ADGRL2: variants seen among roughly 807,000 people sequenced by gnomAD.
ADGRL2 encodes adhesion G protein-coupled receptor L2.
A neutral mutation model predicts 157.4 loss-of-function variants in ADGRL2; 44 were observed. The observed-to-expected ratio is 0.28, with a 90% CI of 0.22 to 0.36. ADGRL2 has a LOEUF of 0.36. Ranked by LOEUF, ADGRL2 falls within the 10% of genes least tolerant of loss-of-function variation. ADGRL2 has a pLI of 1.00. For missense variants in ADGRL2, 1,510 were observed against 1,768.9 expected, an observed-to-expected ratio of 0.85 and a Z score of 2.63; for synonymous variants, 585 against 624.7, an observed-to-expected ratio of 0.94 and a Z score of 0.95.
chr1:81,943,038 C>A lies in ADGRL2; in HGVS notation c.479C>A (p.Ala160Glu). ...SPCIYEAEQK[A>E]GAWCKDPLQA... The stretch of plus-strand genomic sequence containing the variant: ...TGTATATATGAAGCTGAACAAAAGG[C>A]GGGTGCTTGGTGCAAGGACCCTCTT... Residue 160 changes from alanine to glutamate, a missense_variant, in exon 6 of 24, where the codon GCG (alanine) becomes GAG (glutamate). By Grantham distance (107) the Ala-to-Glu change is moderately radical. This residue lies in a region of ADGRL2 where 361 missense variants were observed against 498.4 expected (regional missense o/e 0.72). Coordinates refer to ENST00000686636, the MANE Select transcript of ADGRL2 (RefSeq NM_001366006.2). This position sits in a 1 kb window ranked among gnomAD's most constrained non-coding sequence, Gnocchi z 5.6. The A allele has an allele frequency of 6.2e-7, 1 of 1,613,208 alleles. No homozygotes were observed. Among genetic ancestry groups the A allele is most frequent in the Non-Finnish European group, 8.5e-7 (1 of 1,179,388 alleles).
At chr1:81,724,931 C>T (rs2084462471) in intron 1 of ADGRL2, among the ~76,000 whole-genome samples, 1 of 152,230 alleles carries the variant, frequency 6.6e-6, no homozygotes, top group South Asian at 2.1e-4. Context: ...CACAGCCGGG[C>T]ACGGTGGCTC....
Position 81,595,455 on chromosome 1 carries a change from G to A in ADGRL2, c.-143+14475G>A, listed in dbSNP as rs1311543518. On this transcript the variant is annotated intron_variant, in intron 3 of 24. Transcript: ENST00000370721. ...TGTAATGACAGACTTCTGTGCAGTG[G>A]CATTCCTATAACTGCTATGAATGTA... Among the ~76,000 whole-genome samples the A allele has an allele frequency of 2.0e-5, 3 of 152,090 alleles. No individual in the cohort carries two copies. In the East Asian group the frequency reaches 5.8e-4, roughly 29 times the overall value.
intron 2 of ADGRL2, among the ~76,000 whole-genome samples, chr1:81,763,260 C>T (rs1488330604): frequency 5.9e-5 from 9 of 151,522 alleles, no homozygotes; most frequent in Non-Finnish European, 1.2e-4. Context: ...TTGGGAAATA[C>T]TTCTTTGTGC....
chr1:81,894,326 T>C (rs1338242744), intron 2 of ADGRL2, among the ~76,000 whole-genome samples: 2 of 152,260 alleles, frequency 1.3e-5, no homozygotes, highest in East Asian at 3.9e-4. Flanking sequence ...ACAGAGTGGG[T>C]TCCTTGCTGC....
chr1:81,843,979 C>T (rs535462117), intron 2 of ADGRL2, among the ~76,000 whole-genome samples: 3 of 151,892 alleles, frequency 2.0e-5, no homozygotes, highest in South Asian at 2.1e-4. Context: ...CTGTTGTTGG[C>T]GGAAAAAGTA....
At chr1:81,601,554 G>T (rs576951928) in intron 3 of ADGRL2, among the ~76,000 whole-genome samples, 2 of 152,272 alleles carry the variant, frequency 1.3e-5, no homozygotes, top group African/African-American at 4.8e-5. Context: ...CTTGTGGAAA[G>T]ATAGCCTGAC....
chr1:81,929,437 T>G (rs2095179425), intron 3 of ADGRL2, among the ~76,000 whole-genome samples: 1 of 152,190 alleles, frequency 6.6e-6, no homozygotes, highest in African/African-American at 2.4e-5. Context: ...CAATGGTTTT[T>G]GGAGCATGAC....
chr1:81,658,794 C>T (rs1235514163), intron 3 of ADGRL2, among the ~76,000 whole-genome samples: 1 of 152,050 alleles, frequency 6.6e-6, no homozygotes, highest in Non-Finnish European at 1.5e-5. Context: ...TCTTGTTGCC[C>T]AGGCTGGAGT....
At chr1:81,486,646 G>C (rs1179607308) in intron 2 of ADGRL2, among the ~76,000 whole-genome samples, 1 of 152,070 alleles carries the variant, frequency 6.6e-6, no homozygotes, top group Non-Finnish European at 1.5e-5. Context: ...GAGTGAAACT[G>C]TGGATTCTGA....
chr1:81,775,100 G>T lies in ADGRL2; in HGVS notation c.-101+13248G>T, dbSNP rs534410281. ...TTGTGTGGTAAGACCACAAGTAAAA[G>T]ACAACATACAGTTCACCTTGGAAAA... is the stretch of plus-strand genomic sequence containing the variant. On this transcript the variant is annotated intron_variant, in intron 2 of 20. Transcript: ENST00000359929. Among the ~76,000 whole-genome samples the T allele has an allele frequency of 3.3e-5, 5 of 152,152 alleles. No individual in the cohort carries two copies. In the South Asian group the frequency reaches 1.0e-3, roughly 32 times the overall value.
In ADGRL2 at chr1:81,371,036, G is replaced by A. The variant is rs148971701; in HGVS notation, c.-302+64527G>A. Among the ~76,000 whole-genome samples the A allele has an allele frequency of 2.7e-3, 415 of 152,250 alleles. 2 individuals carry two copies. Among genetic ancestry groups the A allele is most frequent in the African/African-American group, 9.6e-3 (398 of 41,576 alleles). ...TTAAAAATGTATCTATTTAGGCCAT[G>A]TGTACCCAAGTGAGGCAGACATTAC... On this transcript the variant is annotated intron_variant, in intron 1 of 24. Coordinates refer to the ADGRL2 transcript ENST00000370721.
chr1:81,746,388 C>T lies in ADGRL2; in HGVS notation c.-142-15423C>T, dbSNP rs893074883. 2.0e-5 allele frequency among the ~76,000 whole-genome samples: 3 copies of T among 152,136 alleles called. No homozygotes were observed. The East Asian group carries it at 5.8e-4, about 29-fold the overall frequency. On this transcript the variant is annotated intron_variant, in intron 1 of 20. Transcript: ENST00000359929. ...ACTGCAGCCTCAACCTCTCCAGGCTCAGGCAATCCTCCCACCTCAGCCTCC... is the reference window on the plus strand; with the variant it reads ...ACTGCAGCCTCAACCTCTCCAGGCTTAGGCAATCCTCCCACCTCAGCCTCC...
chr1:81,418,193 A>G (rs1159873955), intron 1 of ADGRL2, among the ~76,000 whole-genome samples: 1 of 151,580 alleles, frequency 6.6e-6, no homozygotes, highest in Non-Finnish European at 1.5e-5. Flanking sequence ...AAAACAAACA[A>G]ACAAAAAGGA....
intron 3 of ADGRL2, chr1:81,586,303 T>A (rs2148565763): frequency 6.6e-6 from 1 of 152,080 alleles, no homozygotes; most frequent in South Asian, 2.1e-4. Flanking sequence ...ATTCTTCTAT[T>A]GTGCGCCCTC....
At chr1:81,420,026 T>C (rs1185467889) in intron 1 of ADGRL2, among the ~76,000 whole-genome samples, 1 of 152,236 alleles carries the variant, frequency 6.6e-6, no homozygotes, top group Non-Finnish European at 1.5e-5. Flanking sequence ...AATCTTTCTT[T>C]TCCTTGCAAA....
chr1:81,561,033 C>T (rs1386570941), intron 2 of ADGRL2, among the ~76,000 whole-genome samples: 4 of 152,054 alleles, frequency 2.6e-5, no homozygotes, highest in Non-Finnish European at 5.9e-5. Context: ...ATTTCCTCAC[C>T]TCTTTTGAGT....
intron 2 of ADGRL2, among the ~76,000 whole-genome samples, chr1:81,470,380 A>G (rs1276977909): frequency 6.6e-6 from 1 of 152,054 alleles, no homozygotes; most frequent in East Asian, 1.9e-4. Flanking sequence ...GCTCCTGCTC[A>G]CCATTTCCCT....
chr1:81,905,175 G>A (rs1320303948), intron 2 of ADGRL2, among the ~76,000 whole-genome samples: 1 of 149,810 alleles, frequency 6.7e-6, no homozygotes, highest in Non-Finnish European at 1.5e-5. Context: ...TTGGCTCACT[G>A]CAACCCCCGC....
chr1:81,809,948 G>A (rs767617350), intron 1 of ADGRL2, among the ~76,000 whole-genome samples: 3 of 151,758 alleles, frequency 2.0e-5, no homozygotes, highest in Admixed American at 2.0e-4. Flanking sequence ...CCTTTTATAG[G>A]TATTTTTACA....
Sources: gnomAD v4.1 joint callset for allele counts (sites outside exome capture counted in the v4.1 genomes callset) on GRCh38, gnomAD v4.1.1 for gene constraint, gnomAD v4.1.1 regional missense constraint, Gnocchi (gnomAD v3.1) non-coding constraint, MANE v1.5 for transcripts, NCBI Gene and HGNC (gene_info 2026-07-23, HGNC 2026-07-21) for gene names.